WWOX: variants seen among roughly 807,000 people sequenced by gnomAD.
The protein encoded by WWOX is WW domain-containing oxidoreductase.
In WWOX, 69 loss-of-function variants were observed where a neutral mutation model predicts 46.2. The observed-to-expected ratio is 1.49, with a 90% CI of 1.23 to 1.82. The LOEUF is 1.82. Ranked by LOEUF, WWOX falls within the 40% of genes most tolerant of loss-of-function variation. WWOX has a pLI of 0.00. For missense variants in WWOX, 919 were observed against 542.6 expected (o/e 1.69, Z -6.89); for synonymous variants, 359 against 202.6 (o/e 1.77, Z -6.56).
At chr16:78,418,687 A>G (rs956298354) in intron 6 of WWOX, among the ~76,000 whole-genome samples, 12 of 152,210 alleles carry the variant, frequency 7.9e-5, no homozygotes, top group African/African-American at 2.7e-4. Context: ...ACATAATAGT[A>G]GAATAAAAGA....
intron 5 of WWOX, among the ~76,000 whole-genome samples, chr16:78,308,049 T>G (rs2080165822): frequency 6.6e-6 from 1 of 151,158 alleles, no homozygotes; most frequent in African/African-American, 2.4e-5. Context: ...CTTCCCATGG[T>G]GCCTGCACTA....
intron 8 of WWOX, among the ~76,000 whole-genome samples, chr16:78,609,485 A>G (rs962385934): frequency 1.3e-5 from 2 of 152,106 alleles, no homozygotes; most frequent in African/African-American, 2.4e-5. Flanking sequence ...AGAAAAAAAA[A>G]AATGTTTTCT....
intron 8 of WWOX, among the ~76,000 whole-genome samples, chr16:78,721,946 C>T (rs945208255): frequency 3.9e-5 from 6 of 152,228 alleles, no homozygotes; most frequent in Non-Finnish European, 7.3e-5. Context: ...CTTTCCTTTG[C>T]TACTTTTTGC....
At chr16:78,975,483 C>T (rs74032470) in intron 8 of WWOX, among the ~76,000 whole-genome samples, 1 of 151,774 alleles carries the variant, frequency 6.6e-6, no homozygotes, top group African/African-American at 2.4e-5. Flanking sequence ...ATTATGGCCC[C>T]CTCCCCCAGG....
At chr16:78,436,478 A>G (rs1391583206) in intron 8 of WWOX, among the ~76,000 whole-genome samples, 3 of 152,198 alleles carry the variant, frequency 2.0e-5, no homozygotes, top group East Asian at 3.8e-4. Context: ...GATGACGAAG[A>G]CTGTGGAATA....
chr16:78,523,016 G>A (rs2043382810), intron 8 of WWOX, among the ~76,000 whole-genome samples: 1 of 152,312 alleles, frequency 6.6e-6, no homozygotes, highest in South Asian at 2.1e-4. Flanking sequence ...AGGTTGCAGT[G>A]AGCTGAGATC....
intron 8 of WWOX, among the ~76,000 whole-genome samples, chr16:78,799,827 T>A (rs35994022): frequency 0.14 from 21,171 of 152,226 alleles, 1,643 homozygotes; most frequent in Non-Finnish European, 0.17. Flanking sequence ...TGCCCAATTA[T>A]ACCCAATATA....
At chr16:79,044,574 C>T (rs1314881421) in intron 8 of WWOX, among the ~76,000 whole-genome samples, 1 of 152,200 alleles carries the variant, frequency 6.6e-6, no homozygotes, top group Admixed American at 6.5e-5. Context: ...CTTGAGACTT[C>T]CCCCAGAAGC....
intron 8 of WWOX, among the ~76,000 whole-genome samples, chr16:78,509,578 C>T (rs1174574284): frequency 1.3e-5 from 2 of 152,176 alleles, no homozygotes; most frequent in African/African-American, 4.8e-5. Flanking sequence ...TGCAGACGCT[C>T]TGCCAGTGTG....
chr16:78,839,560 A>G (rs1048204080), intron 8 of WWOX, among the ~76,000 whole-genome samples: 1 of 152,172 alleles, frequency 6.6e-6, no homozygotes, highest in Non-Finnish European at 1.5e-5. Flanking sequence ...TTTGCAATAA[A>G]TATTACTTAT....
At chr16:78,735,385 C>CCACA (rs1555525765) in intron 8 of WWOX, among the ~76,000 whole-genome samples, 2 of 103,914 alleles carry the variant, frequency 1.9e-5, no homozygotes, top group Admixed American at 2.1e-4. Context: ...GTCATACACA[C>CCACA]CACACACAAA....
chr16:78,123,751 C>CG (rs11390774), intron 4 of WWOX: 101,817 of 151,544 alleles, frequency 0.67, 34,251 homozygotes, highest in East Asian at 0.76. Flanking sequence ...CTACTGCACC[C>CG]GCAACCCTAT....
chr16:78,456,313 GT>G (rs2083815212), intron 8 of WWOX, among the ~76,000 whole-genome samples: 1 of 152,208 alleles, frequency 6.6e-6, no homozygotes, highest in East Asian at 1.9e-4. Flanking sequence ...TGTGAATAGT[GT>G]TGGGGGCTGA....
At chr16:78,207,664 A>C (rs1047556880) in intron 5 of WWOX, among the ~76,000 whole-genome samples, 20 of 151,730 alleles carry the variant, frequency 1.3e-4, no homozygotes, top group African/African-American at 4.1e-4. Context: ...TATATCCGGT[A>C]ACAGGATAAC....
intron 5 of WWOX, among the ~76,000 whole-genome samples, chr16:78,202,101 A>G (rs976761940): frequency 6.6e-6 from 1 of 152,186 alleles, no homozygotes; most frequent in Non-Finnish European, 1.5e-5. Flanking sequence ...TGGACTTGCA[A>G]TCTGGCTGAA....
chr16:78,632,420 A>C (rs1235662083), intron 8 of WWOX, among the ~76,000 whole-genome samples: 3 of 151,950 alleles, frequency 2.0e-5, no homozygotes, highest in Non-Finnish European at 4.4e-5. Context: ...GGGCTTTCCT[A>C]CTTAACGTCG....
At chr16:78,808,773 C>T (rs1233085190) in intron 8 of WWOX, among the ~76,000 whole-genome samples, 1 of 152,102 alleles carries the variant, frequency 6.6e-6, no homozygotes, top group East Asian at 1.9e-4. Flanking sequence ...TTCTAATTTG[C>T]CCAGTGTCGT....
At chr16:78,878,292 A>G (rs991343097) in intron 8 of WWOX, among the ~76,000 whole-genome samples, 3 of 152,196 alleles carry the variant, frequency 2.0e-5, no homozygotes, top group Non-Finnish European at 4.4e-5. Flanking sequence ...ACCATGCTGA[A>G]TGATGGCCTA....
intron 8 of WWOX, chr16:79,101,010 G>C (rs945549517): frequency 2.6e-5 from 4 of 152,588 alleles, no homozygotes; most frequent in Non-Finnish European, 5.9e-5. Context: ...GTGAATGGGG[G>C]AATGAGAACT....
Sources: allele counts gnomAD v4.1 joint callset (sites outside exome capture counted in the v4.1 genomes callset), GRCh38; gene constraint gnomAD v4.1.1; transcripts MANE v1.5; gene names NCBI Gene and HGNC (gene_info 2026-07-23, HGNC 2026-07-21).